CYFIP1: variants seen among roughly 807,000 people sequenced by gnomAD.
CYFIP1 encodes the protein cytoplasmic FMR1-interacting protein 1.
CYFIP1 carries 58 observed loss-of-function variants against 163.5 expected under a neutral mutation model. That is an observed-to-expected ratio of 0.35 (90% CI 0.29 to 0.44). The LOEUF is 0.44. Among genes scored for constraint, CYFIP1 ranks in the 20% least tolerant of loss-of-function variants. CYFIP1 has a pLI of 1.00. For synonymous variants in CYFIP1, 663 were observed against 660.7 expected (o/e 1.00, Z -0.05); for missense variants, 1,338 against 1,653.8 (o/e 0.81, Z 3.31).
chr15:22,873,815 A>G, intron 28 of CYFIP1, 86 bp from the exon 29 acceptor site: 1 of 1,226,946 alleles, frequency 8.2e-7, no homozygotes, highest in Admixed American at 1.9e-5. Context: ...CTCTTGAGAC[A>G]GGGTCTTGCT....
In CYFIP1 at chr15:22,909,225, C is replaced by T. The variant is rs2060697838; in HGVS notation, c.2357G>A (p.Arg786Gln). ...MYKSLELAIG[R>Q]FESEDLTSIV... is the part of the protein sequence containing the mutation. ...GGAGGTCAAATCTTCACTTTCAAAT[C>T]GTCCAATCGCCAGTTCTAGGGACTT... Residue 786 changes from arginine to glutamine, a missense_variant, in exon 21 of 31, where the codon CGA becomes CAA. Physicochemically the swap from Arg to Gln is conservative, Grantham distance 43. Around this residue, in one of 4 missense-constraint regions of CYFIP1, gnomAD observed 824 missense variants for 995.7 expected, o/e 0.83. Coordinates refer to ENST00000617928, the MANE Select transcript of CYFIP1 (RefSeq NM_014608.6). The T allele has an allele frequency of 1.9e-6, 3 of 1,614,030 alleles. No individual in the cohort carries two copies. Among genetic ancestry groups the T allele is most frequent in the East Asian group, 2.2e-5 (1 of 44,896 alleles).
At chr15:22,947,974 G>A in intron 1 of CYFIP1, 1 of 985,552 alleles carries the variant, frequency 1.0e-6, no homozygotes, top group Non-Finnish European at 1.2e-6. Context: ...CCAGTCTCAA[G>A]GGTACTCAGG....
chr15:22,882,242 C>T (rs1176264315), intron 24 of CYFIP1, among the ~76,000 whole-genome samples: 2 of 152,232 alleles, frequency 1.3e-5, no homozygotes, highest in African/African-American at 2.4e-5. Flanking sequence ...ACCCCAGCAT[C>T]GTGAGCACTG....
In CYFIP1 at chr15:22,917,041, C is replaced by G; in HGVS notation, c.1675-411G>C. 1 of 1,530,526 alleles carries G rather than the reference C, an allele frequency of 6.5e-7. No homozygotes were observed. Among genetic ancestry groups the G allele is most frequent in the Non-Finnish European group, 8.8e-7 (1 of 1,137,106 alleles). 94.8% of individuals were successfully genotyped at this position (1,530,526 alleles called of 1,614,324 possible). The stretch of plus-strand genomic sequence containing the variant: ...CGCACCAGGTAGAGCTAGACACGGA[C>G]AGACAGGAGGGAGAGGCAGGAGAGA... On this transcript the variant is annotated intron_variant, in intron 15 of 30. Coordinates refer to ENST00000617928, the MANE Select transcript of CYFIP1 (RefSeq NM_014608.6). This position sits in a 1 kb window ranked among gnomAD's most constrained non-coding sequence, Gnocchi z 4.2.
chr15:22,980,607 G>C (rs1360615214), upstream of CYFIP1, among the ~76,000 whole-genome samples: 4 of 151,984 alleles, frequency 2.6e-5, no homozygotes, highest in Non-Finnish European at 5.9e-5. Flanking sequence ...GGGACGGCGG[G>C]GTCGGAGCGG....
intron 1 of CYFIP1, among the ~76,000 whole-genome samples, chr15:22,974,916 TC>T (rs11318675): frequency 0.31 from 47,198 of 151,560 alleles, 7,771 homozygotes; most frequent in African/African-American, 0.4. Context: ...TCCTTCCACC[TC>T]CCTCCACTTC....
At chr15:22,898,396 T>G (rs2060298172) in intron 22 of CYFIP1, among the ~76,000 whole-genome samples, 1 of 152,140 alleles carries the variant, frequency 6.6e-6, no homozygotes, top group South Asian at 2.1e-4. Flanking sequence ...TAGCTGGGAC[T>G]ACAGATGTGT....
chr15:22,900,749 G>A (rs1036909616), intron 22 of CYFIP1, among the ~76,000 whole-genome samples: 1 of 151,870 alleles, frequency 6.6e-6, no homozygotes, highest in African/African-American at 2.4e-5. Context: ...ACGGCCCCAG[G>A]AGACTGAAAC....
intron 5 of CYFIP1, among the ~76,000 whole-genome samples, chr15:22,943,885 G>A (rs1195896403): frequency 6.6e-6 from 1 of 152,084 alleles, no homozygotes; most frequent in East Asian, 1.9e-4. Flanking sequence ...GGACCACCAG[G>A]AATGGACAGT....
intron 22 of CYFIP1, among the ~76,000 whole-genome samples, chr15:22,894,083 C>A (rs1006866908): frequency 6.6e-6 from 1 of 152,054 alleles, no homozygotes; most frequent in Non-Finnish European, 1.5e-5. Context: ...TGCAAAGCCA[C>A]GGCACACTCA....
At chr15:22,970,574 G>A (rs2063058611) in intron 1 of CYFIP1, among the ~76,000 whole-genome samples, 1 of 152,128 alleles carries the variant, frequency 6.6e-6, no homozygotes, top group African/African-American at 2.4e-5. Flanking sequence ...AAACAGTGTG[G>A]CACTGGCATA....
At chr15:22,873,268 C>A (rs2059487797) in intron 29 of CYFIP1, among the ~76,000 whole-genome samples, 1 of 152,154 alleles carries the variant, frequency 6.6e-6, no homozygotes, top group African/African-American at 2.4e-5. Context: ...GCCCAACGTG[C>A]ATACAATTGC....
intron 26 of CYFIP1, among the ~76,000 whole-genome samples, chr15:22,878,492 AAG>A (rs966499037): frequency 1.3e-5 from 2 of 152,096 alleles, no homozygotes; most frequent in African/African-American, 4.8e-5. Flanking sequence ...CACAGAGAGA[AAG>A]AAGCTTCCTC....
rs2059390314 is a variant in CYFIP1, at chr15:22,870,223, A to G, written c.3598-31T>C. 3.8e-6 allele frequency: 6 copies of G among 1,577,146 alleles called. No homozygotes were observed. The African/African-American group carries it at 5.5e-5, about 14-fold the overall frequency. On this transcript the variant is annotated intron_variant, in intron 30 of 30. Transcript: ENST00000617928. ...ACCATCAAAGTGAGGATGTTTTACT[A>G]TTAACACTTCAACATTTATTCTTCA...
At chr15:22,944,196 G>A (rs898296971) in intron 5 of CYFIP1, among the ~76,000 whole-genome samples, 9 of 140,370 alleles carry the variant, frequency 6.4e-5, no homozygotes, top group Non-Finnish European at 1.3e-4. Context: ...CCGAGATCAT[G>A]CCATTGCACT....
intron 3 of CYFIP1, among the ~76,000 whole-genome samples, 196 bp from the exon 4 acceptor site, chr15:22,945,135 T>C (rs1476262643): frequency 1.3e-5 from 2 of 152,100 alleles, no homozygotes; most frequent in African/African-American, 4.8e-5. Flanking sequence ...AAACACCCCA[T>C]GGCTTCTGCA....
intron 1 of CYFIP1, among the ~76,000 whole-genome samples, chr15:22,965,331 C>A (rs1025479527): frequency 6.6e-6 from 1 of 152,142 alleles, no homozygotes; most frequent in Non-Finnish European, 1.5e-5. Flanking sequence ...TGGTGGCGTA[C>A]GCCTGTAATC....
At chr15:22,886,900 G>A (rs1210630813) in intron 23 of CYFIP1, among the ~76,000 whole-genome samples, 1 of 152,206 alleles carries the variant, frequency 6.6e-6, no homozygotes, top group Non-Finnish European at 1.5e-5. Flanking sequence ...AACTGTAACT[G>A]TGGGATTGTT....
Position 22,872,896 on chromosome 15 carries a change from C to A in CYFIP1, c.3526G>T (p.Val1176Leu). Residue 1176 changes from valine (V) to leucine (L), a missense_variant, in exon 30 of 31, where the codon GTG (valine) becomes TTG (leucine). This residue lies in a region of CYFIP1 where 306 missense variants were observed against 322.1 expected (regional missense o/e 0.95). Coordinates refer to ENST00000617928, the MANE Select transcript of CYFIP1 (RefSeq NM_014608.6). Reference protein sequence around the residue: ...VLLGQQRRFAVLDFCYHLLKV... With the variant: ...VLLGQQRRFALLDFCYHLLKV... ...AGTAGATGGTAGCAGAAATCCAGCACAGCAAAACGCCGCTGCTGCCCAAGA... is the reference window on the plus strand; with the variant it reads ...AGTAGATGGTAGCAGAAATCCAGCAAAGCAAAACGCCGCTGCTGCCCAAGA... The A allele has an allele frequency of 1.2e-6, 2 of 1,614,134 alleles. No individual in the cohort carries two copies. Among genetic ancestry groups the A allele is most frequent in the Non-Finnish European group, 1.7e-6 (2 of 1,179,970 alleles).
Sources: allele counts gnomAD v4.1 joint callset (sites outside exome capture counted in the v4.1 genomes callset), GRCh38; gene constraint gnomAD v4.1.1; regional missense constraint gnomAD v4.1.1; non-coding constraint Gnocchi (gnomAD v3.1); transcripts MANE v1.5; gene names NCBI Gene and HGNC (gene_info 2026-07-23, HGNC 2026-07-21).